Variants in FBN2 observed in about 807,000 individuals in gnomAD.
FBN2 encodes fibrillin-2.
In FBN2, 105 loss-of-function variants were observed where a neutral mutation model predicts 355.6. That is an observed-to-expected ratio of 0.30 (90% CI 0.25 to 0.35). FBN2 has a LOEUF of 0.35. Ranked by LOEUF, FBN2 falls within the 10% of genes least tolerant of loss-of-function variation. The pLI is 1.00. For synonymous variants in FBN2, 1,350 were observed against 1,301.2 expected, an observed-to-expected ratio of 1.04 and a Z score of -0.81; for missense variants, 3,280 against 3,758.7, an observed-to-expected ratio of 0.87 and a Z score of 3.33.
intron 58 of FBN2, among the ~76,000 whole-genome samples, chr5:128,276,383 C>T (rs1290663812): frequency 6.6e-6 from 1 of 152,168 alleles, no homozygotes; most frequent in Admixed American, 6.5e-5. Flanking sequence ...GATGTCTAGA[C>T]AACTGTCTGG....
At chr5:128,457,758 G>A (rs531146714) in intron 6 of FBN2, among the ~76,000 whole-genome samples, 1 of 151,626 alleles carries the variant, frequency 6.6e-6, no homozygotes, top group South Asian at 2.1e-4. Flanking sequence ...AATGCTGAGG[G>A]ATTTCATTAC....
Position 128,287,430 on chromosome 5 carries a change from T to A in FBN2, c.6758A>T (p.Asp2253Val), listed in dbSNP as rs764488176. 6.2e-7 allele frequency: 1 copy of A among 1,613,862 alleles called. No homozygotes were observed. The highest frequency in any genetic ancestry group is 1.7e-5 in the Admixed American group (1 of 60,014). Reference protein sequence around the residue: ...FEPGPMMNCEDINECAQNPLL... With the variant: ...FEPGPMMNCEVINECAQNPLL... ...TGGGTTCTGGGCACATTCGTTGATATCTGACCAAAGGAATGGACAGGAATG... is the reference window on the plus strand; with the variant it reads ...TGGGTTCTGGGCACATTCGTTGATAACTGACCAAAGGAATGGACAGGAATG... Residue 2253 changes from aspartate to valine, a missense_variant and splice_region_variant, in exon 54 of 65, where the codon GAT (aspartate) becomes GTT (valine). Transcript: ENST00000262464.
At chr5:128,474,538 C>G (rs1754959126) in intron 5 of FBN2, among the ~76,000 whole-genome samples, 1 of 151,982 alleles carries the variant, frequency 6.6e-6, no homozygotes, top group African/African-American at 2.4e-5. Context: ...ATCTTTGGTC[C>G]AAAAATAATA....
chr5:128,342,546 G>C (rs763362237), intron 25 of FBN2, among the ~76,000 whole-genome samples: 3 of 152,072 alleles, frequency 2.0e-5, no homozygotes, highest in African/African-American at 7.2e-5. Context: ...TTGAACCTGT[G>C]TATAAGTTGA....
At chr5:128,280,674 A>G (rs910791796) in intron 55 of FBN2, among the ~76,000 whole-genome samples, 1 of 152,090 alleles carries the variant, frequency 6.6e-6, no homozygotes, top group African/African-American at 2.4e-5. Flanking sequence ...GATATTAGAG[A>G]AAGGTGTGGG....
rs745811885 is a variant in FBN2 at position 128,377,789 on chromosome 5, G to A, written c.1812C>T (p.Ala604=). 62 of 1,613,316 alleles carry A rather than the reference G, an allele frequency of 3.8e-5. No individual in the cohort carries two copies. In the Admixed American group the frequency reaches 9.0e-4, roughly 23 times the overall value. ...TTCCATCTGTAGTTAATTCAAAGCC[G>A]GCATTGCAAATGCACTGGAAACTTC... The part of the protein sequence containing the change: ...TDGSFQCICN[A]GFELTTDGKN... Residue 604 remains alanine, a synonymous_variant, in exon 13 of 65, where the codon GCC becomes GCT. Coordinates refer to ENST00000262464, the MANE Select transcript of FBN2 (RefSeq NM_001999.4).
intron 23 of FBN2, among the ~76,000 whole-genome samples, chr5:128,346,644 G>A (rs941958152): frequency 6.6e-6 from 1 of 151,744 alleles, no homozygotes; most frequent in Non-Finnish European, 1.5e-5. Context: ...GTCTCACTCT[G>A]TTGCCCAGAC....
intron 5 of FBN2, among the ~76,000 whole-genome samples, chr5:128,476,348 A>G (rs977146722): frequency 2.6e-5 from 4 of 152,188 alleles, no homozygotes; most frequent in Admixed American, 2.0e-4. Flanking sequence ...TCATCAATAG[A>G]TCTGACTAAA....
intron 5 of FBN2, among the ~76,000 whole-genome samples, chr5:128,467,480 G>T (rs745968562): frequency 6.6e-5 from 10 of 151,828 alleles, no homozygotes; most frequent in Admixed American, 2.0e-4. Context: ...TATTGTAAAA[G>T]AATTTAAATT....
intron 6 of FBN2, among the ~76,000 whole-genome samples, chr5:128,458,679 A>C (rs886909320): frequency 6.6e-6 from 1 of 152,174 alleles, no homozygotes; most frequent in African/African-American, 2.4e-5. Flanking sequence ...GAAACTGAAC[A>C]ACCTGCTCCT....
chr5:128,323,002 T>G lies in FBN2; in HGVS notation c.4472-4001A>C, dbSNP rs535640138. On this transcript the variant is annotated intron_variant, in intron 34 of 64. Coordinates refer to ENST00000262464, the MANE Select transcript of FBN2 (RefSeq NM_001999.4). The stretch of plus-strand genomic sequence containing the variant: ...GGCCCTTCACATCCCTTGTAAGTTG[T>G]ATTCCTATGTATTTTATTCTCTTTG... Among the ~76,000 whole-genome samples, 58 of 152,276 alleles carry G rather than the reference T, an allele frequency of 3.8e-4. 1 individual carries two copies. Among genetic ancestry groups the G allele is most frequent in the South Asian group, 3.3e-3 (16 of 4,826 alleles).
At chr5:128,467,037 T>C (rs907848654) in intron 5 of FBN2, among the ~76,000 whole-genome samples, 2 of 152,208 alleles carry the variant, frequency 1.3e-5, no homozygotes, top group Non-Finnish European at 1.5e-5. Flanking sequence ...TGAATACCCA[T>C]GTTCACATTC....
At chr5:128,402,501 T>C (rs979430403) in intron 8 of FBN2, among the ~76,000 whole-genome samples, 1 of 152,162 alleles carries the variant, frequency 6.6e-6, no homozygotes. Flanking sequence ...GGTACACTTA[T>C]CAGAGTTTGT....
rs1390760093 is a variant in FBN2 at position 128,437,421 on chromosome 5, CAAT to C, written c.952+9057_952+9059del. On this transcript the variant is annotated intron_variant, in intron 7 of 64. Coordinates refer to ENST00000262464, the MANE Select transcript of FBN2 (RefSeq NM_001999.4). ...ACTCTTTTGTAACGTTTAACAACTG[CAAT>C]AATGATTATGATGATGAATGGAGTA... Among the ~76,000 whole-genome samples, 4 of 152,050 alleles carry C rather than the reference CAAT, an allele frequency of 2.6e-5. No homozygotes were observed. In the East Asian group the frequency reaches 7.7e-4, roughly 29 times the overall value.
Position 128,480,002 on chromosome 5 carries a change from A to G in FBN2, c.629-15081T>C, listed in dbSNP as rs866708587. Among the ~76,000 whole-genome samples, 99 of 81,098 alleles carry G rather than the reference A, an allele frequency of 1.2e-3. 3 individuals carry two copies. Among genetic ancestry groups the G allele is most frequent in the South Asian group, 3.3e-3 (9 of 2,728 alleles). The allele number at this position is 81,098 out of a possible 152,430, so 53.2% of individuals were successfully genotyped here. ...TATATATATATATATATATATATAT[A>G]TATATATATATATATATATATGTAT... is the stretch of plus-strand genomic sequence containing the variant. On this transcript the variant is annotated intron_variant, in intron 5 of 64. Transcript: ENST00000262464.
chr5:128,486,161 C>G (rs944825826), intron 5 of FBN2, among the ~76,000 whole-genome samples: 1 of 122,064 alleles, frequency 8.2e-6, no homozygotes, highest in South Asian at 2.4e-4. Context: ...CCTTAGACCT[C>G]TTTTTCTTCT....
intron 5 of FBN2, among the ~76,000 whole-genome samples, chr5:128,469,978 T>G (rs1307519144): frequency 2.6e-5 from 4 of 152,190 alleles, no homozygotes; most frequent in African/African-American, 9.7e-5. Context: ...ATGAGTCATG[T>G]GAGTTGGGTA....
chr5:128,313,096 T>C (rs1750104047), intron 36 of FBN2, among the ~76,000 whole-genome samples: 1 of 152,136 alleles, frequency 6.6e-6, no homozygotes, highest in South Asian at 2.1e-4. Flanking sequence ...CCTCCAATAA[T>C]AGGAATACAA....
At chr5:128,261,666 G>A (rs140511313) in intron 64 of FBN2, 70 bp downstream of exon 64, 76 of 1,434,594 alleles carry the variant, frequency 5.3e-5, no homozygotes, top group Middle Eastern at 1.8e-4. Flanking sequence ...TGAAAACGAC[G>A]TGAACTGCAC....
Sources: allele counts gnomAD v4.1 joint callset (sites outside exome capture counted in the v4.1 genomes callset), GRCh38; gene constraint gnomAD v4.1.1; transcripts MANE v1.5; gene names NCBI Gene and HGNC (gene_info 2026-07-23, HGNC 2026-07-21).